ADAM12: variants seen among roughly 807,000 people sequenced by gnomAD.
ADAM12 encodes the protein disintegrin and metalloproteinase domain-containing protein 12.
A neutral mutation model predicts 106.4 loss-of-function variants in ADAM12; 70 were observed. The observed-to-expected ratio is 0.66, with a 90% CI of 0.54 to 0.80. The LOEUF is 0.80. Ranked by LOEUF, ADAM12 falls within the 30% of genes least tolerant of loss-of-function variation. ADAM12 has a pLI of 0.00. For synonymous variants in ADAM12, 420 were observed against 433.5 expected (o/e 0.97, Z 0.39); for missense variants, 1,010 against 1,171.9 (o/e 0.86, Z 2.02).
At chr10:126,354,976 C>T (rs1855488333) in intron 1 of ADAM12, among the ~76,000 whole-genome samples, 1 of 151,984 alleles carries the variant, frequency 6.6e-6, no homozygotes, top group South Asian at 2.1e-4. Context: ...ATCTGACCCA[C>T]AAGAGTTCTT....
chr10:126,235,322 C>T (rs1958392996), intron 3 of ADAM12, among the ~76,000 whole-genome samples: 1 of 152,230 alleles, frequency 6.6e-6, no homozygotes, highest in Admixed American at 6.5e-5. Flanking sequence ...TCGGAGGAGG[C>T]TCCATTGCCT....
At chr10:126,081,725 A>G (rs192708936) in intron 11 of ADAM12, among the ~76,000 whole-genome samples, 34 of 152,350 alleles carry the variant, frequency 2.2e-4, no homozygotes, top group East Asian at 1.9e-4. Flanking sequence ...ACGAGCTTCA[A>G]ACAAAAAGAT....
chr10:126,340,693 G>A lies in ADAM12; in HGVS notation c.89-10184C>T, dbSNP rs80101487. 1.5e-3 allele frequency among the ~76,000 whole-genome samples: 230 copies of A among 149,610 alleles called. 6 individuals are homozygous for A. The East Asian group carries it at 0.04, about 26-fold the overall frequency. ...ACCAGCCTCCTGACCCCTTAATAGT[G>A]CTCAGCTATGTCCTACCTCGTGGCC... On this transcript the variant is annotated intron_variant, in intron 1 of 22. Coordinates refer to ENST00000448723, the MANE Select transcript of ADAM12 (RefSeq NM_001288973.2).
At chr10:126,186,626 G>T (rs1370530509) in intron 3 of ADAM12, among the ~76,000 whole-genome samples, 1 of 152,062 alleles carries the variant, frequency 6.6e-6, no homozygotes, top group Non-Finnish European at 1.5e-5. Context: ...TGTGGGGGCA[G>T]TGGGCCATAG....
At chr10:126,227,458 T>C (rs1416669773) in intron 3 of ADAM12, among the ~76,000 whole-genome samples, 1 of 152,204 alleles carries the variant, frequency 6.6e-6, no homozygotes, top group Non-Finnish European at 1.5e-5. Flanking sequence ...TTAAGCCCCC[T>C]ACATAGACGA....
intron 6 of ADAM12, 115 bp from the exon 7 acceptor site, chr10:126,109,955 A>C: frequency 1.1e-6 from 1 of 890,188 alleles, no homozygotes. Context: ...CATCCCCGCC[A>C]GGCCCCCACA....
At chr10:126,309,130 G>A (rs1005640621) in intron 2 of ADAM12, among the ~76,000 whole-genome samples, 11 of 152,264 alleles carry the variant, frequency 7.2e-5, no homozygotes, top group Admixed American at 3.9e-4. Flanking sequence ...GCCAATCACC[G>A]TATTCTACAC....
intron 6 of ADAM12, among the ~76,000 whole-genome samples, chr10:126,111,971 T>C (rs944326662): frequency 1.3e-5 from 2 of 152,196 alleles, no homozygotes; most frequent in African/African-American, 4.8e-5. Context: ...TTGAAACTGG[T>C]TGCTGAAGAC....
chr10:126,293,214 T>C (rs1196573640), intron 2 of ADAM12, among the ~76,000 whole-genome samples: 2 of 152,232 alleles, frequency 1.3e-5, no homozygotes, highest in Admixed American at 6.5e-5. Context: ...AATCTGGATG[T>C]GCAGCTTCTG....
chr10:126,339,254 C>T (rs1038391533), intron 1 of ADAM12, among the ~76,000 whole-genome samples: 2 of 152,204 alleles, frequency 1.3e-5, no homozygotes, highest in Admixed American at 1.3e-4. Flanking sequence ...ATTTTATCTA[C>T]AGGACATGTT....
intron 2 of ADAM12, among the ~76,000 whole-genome samples, chr10:126,299,433 T>C (rs1347019940): frequency 1.3e-5 from 2 of 152,168 alleles, no homozygotes; most frequent in Admixed American, 6.5e-5. Flanking sequence ...ACACTCATTT[T>C]ATAGGCAAAG....
At chr10:126,204,524 A>G (rs1957760899) in intron 3 of ADAM12, among the ~76,000 whole-genome samples, 1 of 152,268 alleles carries the variant, frequency 6.6e-6, no homozygotes, top group African/African-American at 2.4e-5. Flanking sequence ...AACAGAAAGC[A>G]GATTCCCGCT....
chr10:126,027,255 C>T (rs568705058), intron 21 of ADAM12, among the ~76,000 whole-genome samples: 25 of 152,202 alleles, frequency 1.6e-4, no homozygotes, highest in African/African-American at 6.0e-4. Flanking sequence ...CCAAACAAAA[C>T]CCAGGACCAG....
chr10:126,128,220 A>G (rs1956237766), intron 5 of ADAM12, among the ~76,000 whole-genome samples: 2 of 152,116 alleles, frequency 1.3e-5, no homozygotes, highest in Non-Finnish European at 2.9e-5. Context: ...TGAGGTGCCA[A>G]TTCAGGAGAG....
intron 1 of ADAM12, among the ~76,000 whole-genome samples, 189 bp from the exon 2 acceptor site, chr10:126,330,698 T>G (rs1209775510): frequency 6.6e-6 from 1 of 152,218 alleles, no homozygotes; most frequent in African/African-American, 2.4e-5. Context: ...CATGAAAATT[T>G]TGTAACTTAA....
At chr10:126,033,204 T>C (rs1953999826) in intron 21 of ADAM12, among the ~76,000 whole-genome samples, 1 of 152,156 alleles carries the variant, frequency 6.6e-6, no homozygotes, top group Admixed American at 6.5e-5. Flanking sequence ...AGCTTGAAAC[T>C]GGCCACAATG....
chr10:126,186,638 G>C (rs897897862), intron 3 of ADAM12, among the ~76,000 whole-genome samples: 2 of 152,056 alleles, frequency 1.3e-5, no homozygotes, highest in Admixed American at 6.6e-5. Context: ...GGGCCATAGA[G>C]GGGGGCAGGA....
chr10:126,116,398 T>A (rs1023814150), intron 6 of ADAM12, among the ~76,000 whole-genome samples: 1 of 152,046 alleles, frequency 6.6e-6, no homozygotes, highest in African/African-American at 2.4e-5. Context: ...GCAAAAGCAT[T>A]TGAAGAGTAA....
At chr10:126,235,123 G>A (rs1278946296) in intron 3 of ADAM12, among the ~76,000 whole-genome samples, 5 of 152,188 alleles carry the variant, frequency 3.3e-5, no homozygotes, top group Admixed American at 2.0e-4. Context: ...ACAGGTCGAT[G>A]AGTCCAGGCC....
Sources: allele counts gnomAD v4.1 joint callset (sites outside exome capture counted in the v4.1 genomes callset), GRCh38; gene constraint gnomAD v4.1.1; transcripts MANE v1.5; gene names NCBI Gene and HGNC (gene_info 2026-07-23, HGNC 2026-07-21).